Variants in MALRD1 observed in about 807,000 individuals in gnomAD.
MALRD1 encodes the protein MAM and LDL-receptor class A domain-containing protein 1.
MALRD1 carries 247 observed loss-of-function variants against 242.1 expected under a neutral mutation model. That is an observed-to-expected ratio of 1.02 (90% CI 0.92 to 1.13). MALRD1 has a LOEUF of 1.13. Among genes scored for constraint, MALRD1 ranks in the 50% most tolerant of loss-of-function variants. MALRD1 has a pLI of 0.00. For synonymous variants in MALRD1, 995 were observed against 866.6 expected, an observed-to-expected ratio of 1.15 and a Z score of -2.60; for missense variants, 2,989 against 2,533.1, an observed-to-expected ratio of 1.18 and a Z score of -3.86.
intron 12 of MALRD1, among the ~76,000 whole-genome samples, chr10:19,164,323 G>A (rs946814252): frequency 2.6e-5 from 4 of 152,056 alleles, no homozygotes; most frequent in African/African-American, 7.2e-5. Flanking sequence ...ATTCATCACT[G>A]GAATTGGGTC....
chr10:19,563,918 A>G (rs1432618936), intron 32 of MALRD1, among the ~76,000 whole-genome samples: 1 of 152,086 alleles, frequency 6.6e-6, no homozygotes, highest in African/African-American at 2.4e-5. Flanking sequence ...TGGTTGTTGT[A>G]AAGTGTGGCA....
chr10:19,052,066 G>C, intron 1 of MALRD1: 1 of 415,146 alleles, frequency 2.4e-6, no homozygotes, highest in South Asian at 1.9e-5. Flanking sequence ...AGCTTTGATG[G>C]CATGGTGGAT....
At chr10:19,139,892 A>G (rs957011300) in intron 10 of MALRD1, among the ~76,000 whole-genome samples, 14 of 152,168 alleles carry the variant, frequency 9.2e-5, no homozygotes, top group African/African-American at 3.1e-4. Context: ...CACTGTACCA[A>G]AGAGGCTTGA....
chr10:19,328,344 C>A (rs1843223762), intron 23 of MALRD1, among the ~76,000 whole-genome samples: 1 of 152,088 alleles, frequency 6.6e-6, no homozygotes, highest in Non-Finnish European at 1.5e-5. Context: ...GAAGATGAGG[C>A]TTAGCTCTGA....
At chr10:19,722,937 C>T (rs1834839282) in intron 38 of MALRD1, among the ~76,000 whole-genome samples, 1 of 152,126 alleles carries the variant, frequency 6.6e-6, no homozygotes, top group Non-Finnish European at 1.5e-5. Flanking sequence ...CTTAGTAAGT[C>T]TAGGACCCAG....
chr10:19,255,399 G>C (rs370096755), intron 18 of MALRD1, among the ~76,000 whole-genome samples: 74 of 151,978 alleles, frequency 4.9e-4, no homozygotes, highest in African/African-American at 1.7e-3. Context: ...TTTCATAATA[G>C]AGGCATTTGG....
intron 7 of MALRD1, among the ~76,000 whole-genome samples, chr10:19,125,360 T>TCTTTCTTTCTTTC (rs1837243458): frequency 8.6e-6 from 1 of 116,840 alleles, no homozygotes; most frequent in Non-Finnish European, 1.8e-5. Flanking sequence ...TTTCTTTCTT[T>TCTTTCTTTCTTTC]CTTTCTTTCT....
rs1249405780 is a variant in MALRD1, at chr10:19,269,911, T to C, written c.3080-10136T>C. On this transcript the variant is annotated intron_variant, in intron 19 of 39. Transcript: ENST00000454679. ...AAAAATGAATTGTCTCTACTTTTCC[T>C]CAGTATGAACTCATCGGTCTCTCTT... Among the ~76,000 whole-genome samples, 4 of 152,362 alleles carry C rather than the reference T, an allele frequency of 2.6e-5. No individual in the cohort carries two copies. In the East Asian group the frequency reaches 7.7e-4, roughly 29 times the overall value.
chr10:19,699,472 G>A (rs9665044), intron 38 of MALRD1, among the ~76,000 whole-genome samples: 2 of 152,096 alleles, frequency 1.3e-5, no homozygotes, highest in South Asian at 2.1e-4. Flanking sequence ...GTGCTCATTC[G>A]GGTGAGGTGA....
At chr10:19,630,698 A>G (rs1215018957) in intron 36 of MALRD1, among the ~76,000 whole-genome samples, 1 of 152,144 alleles carries the variant, frequency 6.6e-6, no homozygotes, top group Non-Finnish European at 1.5e-5. Context: ...TATGGATTTT[A>G]TGGTGTCAAG....
intron 21 of MALRD1, among the ~76,000 whole-genome samples, chr10:19,305,810 C>A (rs1455719015): frequency 7.5e-6 from 1 of 133,824 alleles, no homozygotes; most frequent in Admixed American, 8.0e-5. Context: ...TATATACTAT[C>A]TATTATGTAT....
intron 25 of MALRD1, among the ~76,000 whole-genome samples, chr10:19,349,044 A>G (rs955819142): frequency 5.3e-5 from 8 of 151,976 alleles, no homozygotes; most frequent in African/African-American, 1.7e-4. Flanking sequence ...TCACTGTAAC[A>G]TCCACCTGCC....
intron 38 of MALRD1, among the ~76,000 whole-genome samples, chr10:19,727,511 T>G (rs1364964119): frequency 6.6e-6 from 1 of 152,174 alleles, no homozygotes; most frequent in Non-Finnish European, 1.5e-5. Context: ...GCACAGTATC[T>G]GCACGTAATG....
chr10:19,614,312 T>C (rs1839037111), intron 35 of MALRD1, among the ~76,000 whole-genome samples: 1 of 152,044 alleles, frequency 6.6e-6, no homozygotes, highest in South Asian at 2.1e-4. Context: ...AAGATGTCTA[T>C]GTTATCATTA....
Position 19,595,389 on chromosome 10 carries a change from G to A in MALRD1, c.5876G>A (p.Cys1959Tyr). ...NMEFPCSTDE[C>Y]IPSLLLCDGV... ...GAGTTCCCGTGCTCTACAGACGAGT[G>A]TATACCTTCCCTCCTGCTATGCGAT... is the stretch of plus-strand genomic sequence containing the variant. Residue 1959 changes from cysteine (C) to tyrosine (Y), a missense_variant, in exon 34 of 40, where the codon TGT (cysteine) becomes TAT (tyrosine). Physicochemically the swap from Cys to Tyr is radical, Grantham distance 194. Transcript: ENST00000454679. 1 of 1,550,432 alleles carries A rather than the reference G, an allele frequency of 6.4e-7. No homozygotes were observed. Among genetic ancestry groups the A allele is most frequent in the Non-Finnish European group, 8.7e-7 (1 of 1,146,906 alleles).
chr10:19,658,546 G>T (rs1013825594), intron 36 of MALRD1, among the ~76,000 whole-genome samples: 2 of 151,996 alleles, frequency 1.3e-5, no homozygotes, highest in African/African-American at 4.8e-5. Context: ...ATATTAGAGA[G>T]ATCTTTATAT....
At chr10:19,286,530 GCT>G (rs1841129039) in intron 21 of MALRD1, among the ~76,000 whole-genome samples, 1 of 152,066 alleles carries the variant, frequency 6.6e-6, no homozygotes, top group African/African-American at 2.4e-5. Context: ...TTTGTCTTTG[GCT>G]CTGTTTATAT....
intron 38 of MALRD1, among the ~76,000 whole-genome samples, chr10:19,695,420 T>G (rs904295182): frequency 6.6e-6 from 1 of 151,786 alleles, no homozygotes; most frequent in African/African-American, 2.4e-5. Flanking sequence ...GCATAATTTA[T>G]AAAGGAAAGA....
intron 32 of MALRD1, among the ~76,000 whole-genome samples, chr10:19,548,242 G>A (rs1042506683): frequency 6.6e-6 from 1 of 151,666 alleles, no homozygotes. Flanking sequence ...CAGGTGATTT[G>A]CCCCCCTCTG....
Sources: allele counts gnomAD v4.1 joint callset (sites outside exome capture counted in the v4.1 genomes callset), GRCh38; gene constraint gnomAD v4.1.1; transcripts MANE v1.5; gene names NCBI Gene and HGNC (gene_info 2026-07-23, HGNC 2026-07-21).